Variants in VEGFD observed in about 807,000 individuals in gnomAD.
The protein encoded by VEGFD is c-fos induced growth factor (vascular endothelial growth factor D).
VEGFD carries 26 observed loss-of-function variants against 28.0 expected under a neutral mutation model. The observed-to-expected ratio is 0.93, with a 90% CI of 0.68 to 1.29. The LOEUF (loss-of-function observed/expected upper bound fraction) is 1.29, where lower values mean the gene tolerates loss of function less well. VEGFD is among the 50% of genes most tolerant of loss of function. VEGFD has a pLI of 0.00. For synonymous variants in VEGFD, 93 were observed against 95.5 expected, an observed-to-expected ratio of 0.97 and a Z score of 0.15; for missense variants, 294 against 273.4, an observed-to-expected ratio of 1.08 and a Z score of -0.53.
Position 15,383,903 on chromosome X carries a change from TACA to T in VEGFD, c.41_43del (p.Leu14del), listed in dbSNP as rs1314059450. The T allele has an allele frequency of 1.7e-6, 2 of 1,208,146 alleles. No homozygotes were observed. The highest frequency in any genetic ancestry group is 3.5e-5 in the African/African-American group (2 of 57,210). ...ACTGGAGCCCTGCACCAGCTGGACG[TACA>T]ACATCATGAAAACATTCACCACTAC... On this transcript the variant is annotated inframe_deletion, in exon 1 of 7. Transcript: ENST00000297904.
intron 1 of VEGFD, among the ~76,000 whole-genome samples, chrX:15,368,118 AAGG>A (rs1409533938): frequency 4.0e-5 from 4 of 99,146 alleles, no homozygotes; most frequent in East Asian, 2.9e-4. Flanking sequence ...GAAAGAAAGA[AAGG>A]AGAGAAAGAG....
chrX:15,369,202 TTG>T (rs1347481766), intron 1 of VEGFD, among the ~76,000 whole-genome samples: 3 of 111,420 alleles, frequency 2.7e-5, no homozygotes, highest in African/African-American at 9.8e-5. Context: ...GTGTCCCACG[TTG>T]TGAGGAAGTC....
chrX:15,358,040 A>T lies in VEGFD; in HGVS notation c.455T>A (p.Ile152Asn), dbSNP rs2147739905. The T allele has an allele frequency of 8.3e-7, 1 of 1,211,688 alleles. No individual in the cohort carries two copies. Among genetic ancestry groups the T allele is most frequent in the Non-Finnish European group, 1.1e-6 (1 of 895,424 alleles). The change falls in exon 3 of 7, where the codon ATC (isoleucine) becomes AAC (asparagine). Residue 152 changes from isoleucine (I) to asparagine (N), a missense_variant. Ile to Asn is a moderately radical substitution (Grantham distance 149). Transcript: ENST00000297904. The part of the protein sequence containing the change: ...CGGCCNEESL[I>N]CMNTSTSYIS... ...GTACGAGGTGCTGGTGTTCATACAG[A>T]TAAGGCTCTCTTCATTGCAACAGCC...
rs947859491 is a variant in VEGFD, at chrX:15,363,456, G to T, written c.91-137C>A. 99 of 503,450 alleles carry T rather than the reference G, an allele frequency of 2.0e-4. 1 individual carries two copies. The highest frequency in any genetic ancestry group is 1.8e-3 in the Middle Eastern group (3 of 1,681). 41.5% of individuals were successfully genotyped at this position (503,450 alleles called of 1,213,427 possible). ...CTATTGAAACGTATGCCAGTGCCTAGGAAAAAGGATATCTTCTAGTATTTT... is the reference window on the plus strand; with the variant it reads ...CTATTGAAACGTATGCCAGTGCCTATGAAAAAGGATATCTTCTAGTATTTT... On this transcript the variant is annotated intron_variant, in intron 1 of 6. Coordinates refer to ENST00000297904, the MANE Select transcript of VEGFD (RefSeq NM_004469.5).
intron 1 of VEGFD, among the ~76,000 whole-genome samples, chrX:15,371,076 T>C (rs532116450): frequency 2.7e-5 from 3 of 111,715 alleles, no homozygotes; most frequent in South Asian, 7.6e-4. Flanking sequence ...TTCATTGTCA[T>C]ACCAGGAAAT....
intron 1 of VEGFD, among the ~76,000 whole-genome samples, chrX:15,383,327 C>A (rs1328988910): frequency 8.9e-6 from 1 of 112,012 alleles, no homozygotes; most frequent in East Asian, 2.8e-4. Flanking sequence ...AATTTTACAC[C>A]TTTCAAGAAG....
At chrX:15,374,076 G>A (rs993674154) in intron 1 of VEGFD, among the ~76,000 whole-genome samples, 3 of 111,808 alleles carry the variant, frequency 2.7e-5, no homozygotes, top group East Asian at 5.6e-4. Flanking sequence ...CCACTCTGTC[G>A]TCTGGAGAAA....
chrX:15,367,602 T>C (rs750813626), intron 1 of VEGFD, among the ~76,000 whole-genome samples: 1 of 111,538 alleles, frequency 9.0e-6, no homozygotes, highest in Non-Finnish European at 1.9e-5. Flanking sequence ...TTAAAGATTT[T>C]AGAGTTGAAG....
chrX:15,360,288 A>G (rs1364693647), intron 2 of VEGFD, among the ~76,000 whole-genome samples: 1 of 109,433 alleles, frequency 9.1e-6, no homozygotes, highest in Non-Finnish European at 1.9e-5. Flanking sequence ...GTCTACCTAA[A>G]CTTTGTTTTT....
intron 5 of VEGFD, among the ~76,000 whole-genome samples, chrX:15,352,485 CAT>C (rs1477367142): frequency 9.0e-6 from 1 of 111,408 alleles, no homozygotes; most frequent in Non-Finnish European, 1.9e-5. Flanking sequence ...GACCAATAGC[CAT>C]ATTTTGCTTT....
chrX:15,382,995 C>G (rs1481640219), intron 1 of VEGFD, among the ~76,000 whole-genome samples: 1 of 111,441 alleles, frequency 9.0e-6, no homozygotes, highest in East Asian at 2.8e-4. Flanking sequence ...ACCAATTTTC[C>G]CCTGCTGGGG....
chrX:15,360,694 G>T (rs909777365), intron 2 of VEGFD, among the ~76,000 whole-genome samples: 3 of 111,601 alleles, frequency 2.7e-5, no homozygotes, highest in Admixed American at 1.9e-4. Context: ...AAGCCTGAAG[G>T]CTGAACACAT....
chrX:15,380,122 C>T (rs751207820), intron 1 of VEGFD, among the ~76,000 whole-genome samples: 2 of 112,437 alleles, frequency 1.8e-5, no homozygotes, highest in African/African-American at 6.5e-5. Context: ...TTTCAGATGT[C>T]TTTTGTGCCA....
intron 4 of VEGFD, among the ~76,000 whole-genome samples, chrX:15,354,218 G>A (rs1922809345): frequency 9.1e-6 from 1 of 110,497 alleles, no homozygotes; most frequent in Non-Finnish European, 1.9e-5. Context: ...TGATCTGCCC[G>A]CCTCAGCCTC....
rs376317191 is a variant in VEGFD at position 15,355,198 on chromosome X, T to C, written c.593A>G (p.His198Arg). The stretch of plus-strand genomic sequence containing the variant: ...GGATCTTCTGATAATTGAGTATGGA[T>C]GGCGGGGGGCTGTTGGCAAGCACTT... ...GCKCLPTAPR[H>R]PYSIIRRSIQ... The change falls in exon 4 of 7, where the codon CAT becomes CGT. Residue 198 changes from histidine (H) to arginine (R), a missense_variant. Physicochemically the swap from His to Arg is conservative, Grantham distance 29. Coordinates refer to ENST00000297904, the MANE Select transcript of VEGFD (RefSeq NM_004469.5). 3.8e-5 allele frequency: 46 copies of C among 1,204,158 alleles called. 2 individuals are homozygous for C. The highest frequency in any genetic ancestry group is 1.3e-4 in the South Asian group (7 of 55,282).
Position 15,352,396 on chromosome X carries a change from C to T in VEGFD, c.742+672G>A, listed in dbSNP as rs190234079. Among the ~76,000 whole-genome samples, 313 of 108,337 alleles carry T rather than the reference C, an allele frequency of 2.9e-3. 2 individuals are homozygous for T. The highest frequency in any genetic ancestry group is 4.1e-3 in the Non-Finnish European group (213 of 52,339). 94.1% of individuals were successfully genotyped at this position (108,337 alleles called of 115,157 possible). A position where few individuals can be genotyped will look rare whatever the true frequency, so the allele number is the denominator to read the frequency against. ...ATGCATTCATTTTCAAGCAAATGTT[C>T]ATCACCCAAAGTCACAGAATTACGG... On this transcript the variant is annotated intron_variant, in intron 5 of 6. Transcript: ENST00000297904.
At chrX:15,360,058 T>C (rs1350083867) in intron 2 of VEGFD, among the ~76,000 whole-genome samples, 4 of 112,319 alleles carry the variant, frequency 3.6e-5, no homozygotes, top group Non-Finnish European at 7.5e-5. Context: ...TGAATTCCCA[T>C]ATAGGGGAAT....
At chrX:15,353,203 C>T in intron 4 of VEGFD, 35 bp from the exon 5 acceptor site, 1 of 817,183 alleles carries the variant, frequency 1.2e-6, no homozygotes. Context: ...GATTTAAAAG[C>T]TTTCAAGGAT....
chrX:15,378,797 T>A (rs1923497343), intron 1 of VEGFD, among the ~76,000 whole-genome samples: 1 of 108,387 alleles, frequency 9.2e-6, no homozygotes, highest in South Asian at 3.8e-4. Context: ...GTTGAAACAA[T>A]TTTTTTTTTA....
Sources: gnomAD v4.1 joint callset for allele counts (sites outside exome capture counted in the v4.1 genomes callset) on GRCh38, gnomAD v4.1.1 for gene constraint, MANE v1.5 for transcripts, NCBI Gene and HGNC (gene_info 2026-07-23, HGNC 2026-07-21) for gene names.